OLFM2: variants seen among roughly 807,000 people sequenced by gnomAD.
OLFM2 encodes the protein olfactomedin 2.
OLFM2 carries 20 observed loss-of-function variants against 43.9 expected under a neutral mutation model. The ratio of observed to expected loss-of-function variants is 0.46; its 90% CI spans 0.32 to 0.66. OLFM2 has a LOEUF of 0.66. Ranked by LOEUF, OLFM2 falls within the 30% of genes least tolerant of loss-of-function variation. OLFM2 has a pLI of 0.04. For missense variants in OLFM2, 416 were observed against 643.6 expected (o/e 0.65, Z 3.83); for synonymous variants, 268 against 278.6 (o/e 0.96, Z 0.38).
At chr19:9,873,258 A>G (rs146690563) in intron 1 of OLFM2, among the ~76,000 whole-genome samples, 112 of 152,152 alleles carry the variant, frequency 7.4e-4, no homozygotes, top group Non-Finnish European at 2.8e-4. Context: ...GGCTCAAGCC[A>G]TCCTCTCATT....
chr19:9,891,015 C>T (rs2336533), intron 1 of OLFM2, among the ~76,000 whole-genome samples: 145,129 of 152,142 alleles, frequency 0.95, 69,628 homozygotes, highest in Non-Finnish European at 1. Flanking sequence ...CCTCAGCAAC[C>T]GCAGAAGGGC....
At chr19:9,890,472 G>C (rs968959457) in intron 1 of OLFM2, among the ~76,000 whole-genome samples, 3 of 152,224 alleles carry the variant, frequency 2.0e-5, no homozygotes, top group Non-Finnish European at 2.9e-5. Flanking sequence ...GCATGTGGAC[G>C]TGTCTACAGG....
chr19:9,855,198 C>A (rs1157569632), intron 5 of OLFM2, among the ~76,000 whole-genome samples: 1 of 151,862 alleles, frequency 6.6e-6, no homozygotes, highest in Non-Finnish European at 1.5e-5. Context: ...CCAGTAGGAC[C>A]CAAATCCCAG....
intron 1 of OLFM2, among the ~76,000 whole-genome samples, chr19:9,874,679 C>T (rs2046470902): frequency 6.6e-6 from 1 of 152,150 alleles, no homozygotes; most frequent in South Asian, 2.1e-4. Context: ...TGGGGTTTCA[C>T]CATGTTGGCC....
rs774367778 is a variant in OLFM2, at chr19:9,857,458, G to T, written c.385C>A (p.Leu129Met). 25 of 1,613,956 alleles carry T rather than the reference G, an allele frequency of 1.5e-5. 1 individual carries two copies. The South Asian group carries it at 2.4e-4, about 16-fold the overall frequency. The change falls in exon 4 of 6, where the codon CTG (leucine) becomes ATG (methionine). Residue 129 changes from leucine (L) to methionine (M), a missense_variant. Leu to Met is a conservative substitution (Grantham distance 15, BLOSUM62 2). Transcript: ENST00000264833. The surrounding 1 kb of genome is among the most constrained non-coding windows in gnomAD (Gnocchi z 5.7). ...FQELKDRMTELLPLSSVLEQY... is the reference protein window; with the variant it reads ...FQELKDRMTEMLPLSSVLEQY... ...TCCAGGACCGAGCTCAGGGGCAACA[G>T]TTCCGTCATCCTGTCCTTCAGCTCC...
intron 1 of OLFM2, among the ~76,000 whole-genome samples, chr19:9,894,410 AAT>A (rs2046664449): frequency 1.1e-4 from 9 of 83,000 alleles, no homozygotes; most frequent in African/African-American, 3.3e-4. Context: ...TAATAATAAT[AAT>A]AAATAAATAA....
At chr19:9,881,122 C>T (rs1243151926) in intron 1 of OLFM2, among the ~76,000 whole-genome samples, 5 of 152,190 alleles carry the variant, frequency 3.3e-5, no homozygotes, top group Admixed American at 3.3e-4. Context: ...GCCTCAAACT[C>T]CTGACCTCAA....
intron 1 of OLFM2, among the ~76,000 whole-genome samples, chr19:9,901,206 GGAAA>G (rs1250981045): frequency 8.2e-5 from 12 of 146,744 alleles, no homozygotes; most frequent in African/African-American, 1.3e-4. Flanking sequence ...GAAAGAGGAC[GGAAA>G]GAAAGAAAGG....
At chr19:9,931,412 T>C (rs2086481202) in intron 1 of OLFM2, among the ~76,000 whole-genome samples, 1 of 152,026 alleles carries the variant, frequency 6.6e-6, no homozygotes, top group African/African-American at 2.4e-5. Flanking sequence ...TTTTTAAAGT[T>C]ACTGCAGAGG....
chr19:9,870,237 AT>A (rs2046432066), intron 1 of OLFM2, among the ~76,000 whole-genome samples: 1 of 152,044 alleles, frequency 6.6e-6, no homozygotes, highest in South Asian at 2.1e-4. Context: ...CCCTGCTATT[AT>A]TATCTTCATA....
rs2046324781 is a variant in OLFM2 at position 9,857,043 on chromosome 19, TC to T, written c.581-131del. 3 of 877,782 alleles carry T rather than the reference TC, an allele frequency of 3.4e-6. No homozygotes were observed. The allele number at this position is 877,782 out of a possible 1,614,324, so 54.4% of individuals were successfully genotyped here. A position where few individuals can be genotyped will look rare whatever the true frequency, so the allele number is the denominator to read the frequency against. On this transcript the variant is annotated intron_variant, in intron 4 of 5. Coordinates refer to ENST00000264833, the MANE Select transcript of OLFM2 (RefSeq NM_058164.4). This position sits in a 1 kb window ranked among gnomAD's most constrained non-coding sequence, Gnocchi z 5.7. ...GATGAGGGAAGACTCAAAAATCTGG[TC>T]CCAATATGTTGTTCAGTTGTGAGTG...
At chr19:9,911,211 G>T (rs915081151) in intron 1 of OLFM2, among the ~76,000 whole-genome samples, 1 of 152,152 alleles carries the variant, frequency 6.6e-6, no homozygotes, top group East Asian at 1.9e-4. Flanking sequence ...GAGTCATAGA[G>T]CAAGTTGGGG....
chr19:9,864,601 CATTT>C (rs932021627), intron 1 of OLFM2, among the ~76,000 whole-genome samples: 7 of 150,022 alleles, frequency 4.7e-5, no homozygotes, highest in African/African-American at 1.5e-4. Context: ...GCGCCTGGCA[CATTT>C]ATTTATTTTT....
chr19:9,929,549 T>C (rs1372629142), intron 1 of OLFM2, among the ~76,000 whole-genome samples: 1 of 150,946 alleles, frequency 6.6e-6, no homozygotes, highest in Non-Finnish European at 1.5e-5. Context: ...TGAGCCGAGA[T>C]TGCACCACTT....
At chr19:9,918,161 G>A (rs565411560) in intron 1 of OLFM2, among the ~76,000 whole-genome samples, 9 of 150,702 alleles carry the variant, frequency 6.0e-5, no homozygotes, top group African/African-American at 9.8e-5. Flanking sequence ...TTACAGGCAT[G>A]AGCCACCATG....
Position 9,936,499 on chromosome 19 carries a change from G to T in OLFM2, c.-133C>A, listed in dbSNP as rs2086516116. On this transcript the variant is annotated 5_prime_UTR_variant, in exon 1 of 6. Transcript: ENST00000264833. ...CCGCCGCCTCCCCCGCCTCGCCGGC[G>T]GCCGGGATTCCGCCCCACCCCCGCC... 1 of 591,878 alleles carries T rather than the reference G, an allele frequency of 1.7e-6. No homozygotes were observed. The highest frequency in any genetic ancestry group is 2.1e-6 in the Non-Finnish European group (1 of 470,160). The allele number at this position is 591,878 out of a possible 1,614,324, so 36.7% of individuals were successfully genotyped here. A position where few individuals can be genotyped will look rare whatever the true frequency, so the allele number is the denominator to read the frequency against.
intron 1 of OLFM2, among the ~76,000 whole-genome samples, chr19:9,886,579 T>G (rs1032453208): frequency 2.0e-5 from 3 of 151,966 alleles, no homozygotes; most frequent in Admixed American, 2.0e-4. Context: ...AAATAGGCAA[T>G]CCATCCTGCA....
At chr19:9,858,781 T>TAGCC (rs1267753288) in intron 2 of OLFM2, among the ~76,000 whole-genome samples, 1 of 151,992 alleles carries the variant, frequency 6.6e-6, no homozygotes, top group Non-Finnish European at 1.5e-5. Flanking sequence ...CTGGCTAAGG[T>TAGCC]AGCCACCTTG....
intron 1 of OLFM2, among the ~76,000 whole-genome samples, chr19:9,898,965 C>T (rs913813036): frequency 2.6e-5 from 4 of 152,152 alleles, no homozygotes; most frequent in East Asian, 1.9e-4. Flanking sequence ...GTCCCTCCAC[C>T]CCACGGCAAA....
Sources: gnomAD v4.1 joint callset for allele counts (sites outside exome capture counted in the v4.1 genomes callset) on GRCh38, gnomAD v4.1.1 for gene constraint, Gnocchi (gnomAD v3.1) non-coding constraint, MANE v1.5 for transcripts, NCBI Gene and HGNC (gene_info 2026-07-23, HGNC 2026-07-21) for gene names.